ZNF804B: variants seen among roughly 807,000 people sequenced by gnomAD.
ZNF804B encodes zinc finger protein 804B, also known as zinc finger 804B.
A neutral mutation model predicts 101.4 loss-of-function variants in ZNF804B; 80 were observed. The observed-to-expected ratio is 0.79, with a 90% CI of 0.66 to 0.95. ZNF804B has a LOEUF of 0.95. ZNF804B is among the 40% of genes least tolerant of loss of function. ZNF804B has a pLI of 0.00. For synonymous variants in ZNF804B, 622 were observed against 558.8 expected (o/e 1.11, Z -1.59); for missense variants, 1,673 against 1,561.9 (o/e 1.07, Z -1.20).
intron 1 of ZNF804B, among the ~76,000 whole-genome samples, chr7:89,011,242 A>C: frequency 6.6e-6 from 1 of 152,128 alleles, no homozygotes; most frequent in East Asian, 1.9e-4. Context: ...CCTTCCCATG[A>C]TCCAATTACC....
At chr7:89,137,143 G>T (rs1790649093) in intron 1 of ZNF804B, among the ~76,000 whole-genome samples, 1 of 151,970 alleles carries the variant, frequency 6.6e-6, no homozygotes, top group Non-Finnish European at 1.5e-5. Flanking sequence ...AGTAGAGTGG[G>T]GTGTTGTTGA....
chr7:89,090,142 T>C (rs902548285), intron 1 of ZNF804B, among the ~76,000 whole-genome samples: 1 of 152,080 alleles, frequency 6.6e-6, no homozygotes, highest in Admixed American at 6.5e-5. Context: ...TAATAATAGA[T>C]AACATTTATG....
Position 89,223,103 on chromosome 7 carries a change from G to T in ZNF804B, c.249+4808G>T, listed in dbSNP as rs529099544. ...AAGAGCTCTTCTTGATTATGATAAT[G>T]ATTATAATGGTGGTGGTGGAAATTT... On this transcript the variant is annotated intron_variant, in intron 2 of 3. Transcript: ENST00000333190. Among the ~76,000 whole-genome samples, 26 of 151,918 alleles carry T rather than the reference G, an allele frequency of 1.7e-4. No homozygotes were observed. In the South Asian group the frequency reaches 5.2e-3, roughly 30 times the overall value.
chr7:89,317,598 G>A (rs910037284), intron 2 of ZNF804B, among the ~76,000 whole-genome samples: 1 of 152,206 alleles, frequency 6.6e-6, no homozygotes, highest in Non-Finnish European at 1.5e-5. Flanking sequence ...ATAAAGAAAC[G>A]GATGCATTTT....
intron 1 of ZNF804B, among the ~76,000 whole-genome samples, chr7:89,143,771 G>T (rs1179553518): frequency 1.3e-5 from 2 of 151,926 alleles, no homozygotes; most frequent in African/African-American, 4.8e-5. Context: ...GTTCAGAAAT[G>T]CTATAACAAG....
At chr7:89,269,762 G>A (rs1647801612) in intron 2 of ZNF804B, among the ~76,000 whole-genome samples, 1 of 152,154 alleles carries the variant, frequency 6.6e-6, no homozygotes. Flanking sequence ...CATTCTAACT[G>A]GTGTGAGATG....
intron 1 of ZNF804B, among the ~76,000 whole-genome samples, chr7:89,205,051 T>G (rs963659282): frequency 5.9e-5 from 9 of 152,160 alleles, no homozygotes; most frequent in Non-Finnish European, 4.4e-5. Context: ...AGCAAGGTCA[T>G]GTCTTACATG....
intron 1 of ZNF804B, among the ~76,000 whole-genome samples, chr7:89,130,614 G>C (rs1189069411): frequency 1.3e-5 from 2 of 151,982 alleles, no homozygotes; most frequent in African/African-American, 4.8e-5. Context: ...ATGAATACGA[G>C]AGAAGACACA....
chr7:88,963,881 T>C (rs1470356930), intron 1 of ZNF804B, among the ~76,000 whole-genome samples: 1 of 151,344 alleles, frequency 6.6e-6, no homozygotes, highest in Non-Finnish European at 1.5e-5. Context: ...AATACACTTT[T>C]CTCTAAAAAA....
chr7:89,272,728 T>A lies in ZNF804B; in HGVS notation c.249+54433T>A, dbSNP rs574713267. On this transcript the variant is annotated intron_variant, in intron 2 of 3. Coordinates refer to ENST00000333190, the MANE Select transcript of ZNF804B (RefSeq NM_181646.5). ...AAGGGAAAAAATGCTTTAATCTTCATCTTTTTCCCTCTTATAGATTTATAG... is the reference window on the plus strand; with the variant it reads ...AAGGGAAAAAATGCTTTAATCTTCAACTTTTTCCCTCTTATAGATTTATAG... Among the ~76,000 whole-genome samples, 27 of 152,246 alleles carry A rather than the reference T, an allele frequency of 1.8e-4. No individual in the cohort carries two copies. The South Asian group carries it at 5.4e-3, about 30-fold the overall frequency.
At chr7:89,200,143 T>C (rs549495724) in intron 1 of ZNF804B, among the ~76,000 whole-genome samples, 26 of 151,994 alleles carry the variant, frequency 1.7e-4, no homozygotes, top group Non-Finnish European at 2.8e-4. Flanking sequence ...CTGAAGATCA[T>C]TGAGTTTGCA....
chr7:89,211,918 T>C (rs1349128677), intron 1 of ZNF804B, among the ~76,000 whole-genome samples: 2 of 152,184 alleles, frequency 1.3e-5, no homozygotes, highest in Admixed American at 1.3e-4. Context: ...GCACTGAATT[T>C]GTAAATTACT....
At chr7:89,060,384 C>A (rs76526704) in intron 1 of ZNF804B, among the ~76,000 whole-genome samples, 1 of 152,052 alleles carries the variant, frequency 6.6e-6, no homozygotes, top group South Asian at 2.1e-4. Flanking sequence ...GTGAAGGAGT[C>A]TACTTAATGG....
chr7:89,311,340 G>A (rs924827180), intron 2 of ZNF804B, among the ~76,000 whole-genome samples: 77 of 152,272 alleles, frequency 5.1e-4, no homozygotes, highest in African/African-American at 1.7e-3. Flanking sequence ...TCTCCACTTC[G>A]TCTCAAAGAA....
intron 1 of ZNF804B, among the ~76,000 whole-genome samples, chr7:88,880,010 G>T (rs1309843168): frequency 6.6e-6 from 1 of 151,426 alleles, no homozygotes; most frequent in Non-Finnish European, 1.5e-5. Flanking sequence ...CTGCACTCTA[G>T]CCTCTACCCT....
intron 1 of ZNF804B, among the ~76,000 whole-genome samples, chr7:88,998,157 C>G (rs547926356): frequency 1.3e-5 from 2 of 152,062 alleles, no homozygotes; most frequent in African/African-American, 4.8e-5. Flanking sequence ...TCCTGTCTTT[C>G]TTTAGAACTA....
In ZNF804B at chr7:89,024,112, G is replaced by T. The variant is rs182659870; in HGVS notation, c.109-194043G>T. 2.6e-5 allele frequency among the ~76,000 whole-genome samples: 4 copies of T among 152,256 alleles called. No homozygotes were observed. In the East Asian group the frequency reaches 7.7e-4, roughly 29 times the overall value. On this transcript the variant is annotated intron_variant, in intron 1 of 3. Coordinates refer to ENST00000333190, the MANE Select transcript of ZNF804B (RefSeq NM_181646.5). ...TGCCAAACAGCTGTGATTTTGCAGA[G>T]CTCTCATGTCTAATAATATCCCACT...
At chr7:88,860,377 G>A (rs577947614) in intron 1 of ZNF804B, among the ~76,000 whole-genome samples, 4 of 152,084 alleles carry the variant, frequency 2.6e-5, no homozygotes, top group South Asian at 2.1e-4. Flanking sequence ...ATTGTTACAG[G>A]TGACATATTT....
In ZNF804B at chr7:88,877,012, A is replaced by ATATATATATAATATATATATATAT. The variant is rs1300460340; in HGVS notation, c.108+116938_108+116939insATATATATATATATTATATATATA. On this transcript the variant is annotated intron_variant, in intron 1 of 3. Transcript: ENST00000333190. ...AGAGAATATTTGAAAAAAAAAATATATATATATATATATAATATATATATA... is the reference window on the plus strand; with the variant it reads ...AGAGAATATTTGAAAAAAAAAATATATATATATATAATATATATATATATTATATATATATATAATATATATATA... Among the ~76,000 whole-genome samples the ATATATATATAATATATATATATAT allele has an allele frequency of 4.7e-5, 3 of 63,726 alleles. 1 individual carries two copies. Among genetic ancestry groups the ATATATATATAATATATATATATAT allele is most frequent in the African/African-American group, 4.1e-4 (3 of 7,396 alleles). 41.8% of individuals were successfully genotyped at this position (63,726 alleles called of 152,430 possible). A position where few individuals can be genotyped will look rare whatever the true frequency, so the allele number is the denominator to read the frequency against.
Sources: allele counts gnomAD v4.1 joint callset (sites outside exome capture counted in the v4.1 genomes callset), GRCh38; gene constraint gnomAD v4.1.1; transcripts MANE v1.5; gene names NCBI Gene and HGNC (gene_info 2026-07-23, HGNC 2026-07-21).